USP47: variants seen among roughly 807,000 people sequenced by gnomAD.
USP47 encodes ubiquitin specific peptidase 47, also known as ubiquitin carboxyl-terminal hydrolase 47.
A neutral mutation model predicts 165.1 loss-of-function variants in USP47; 35 were observed. The ratio of observed to expected loss-of-function variants is 0.21; its 90% confidence interval spans 0.16 to 0.28. The LOEUF is 0.28. Among genes scored for constraint, USP47 ranks in the 10% least tolerant of loss-of-function variants. USP47 has a pLI of 1.00. For missense variants in USP47, 1,277 were observed against 1,607.4 expected (o/e 0.79, Z 3.52); for synonymous variants, 531 against 544.5 (o/e 0.98, Z 0.35).
intron 1 of USP47, among the ~76,000 whole-genome samples, chr11:11,853,320 G>A (rs1191295019): frequency 6.6e-6 from 1 of 152,210 alleles, no homozygotes; most frequent in African/African-American, 2.4e-5. Flanking sequence ...AGTTCAGGCA[G>A]CATGTGTAGG....
At chr11:11,881,346 C>T (rs544855258) in intron 2 of USP47, among the ~76,000 whole-genome samples, 2 of 152,106 alleles carry the variant, frequency 1.3e-5, no homozygotes, top group South Asian at 2.1e-4. Flanking sequence ...TTTACCCTGA[C>T]AGGAAATAAG....
chr11:11,854,774 A>G (rs1477498039), intron 1 of USP47, among the ~76,000 whole-genome samples: 1 of 147,594 alleles, frequency 6.8e-6, no homozygotes. Flanking sequence ...ATGATCAAGT[A>G]AGACCTATTG....
chr11:11,933,566 GT>G (rs1219899057), intron 15 of USP47, among the ~76,000 whole-genome samples: 1 of 151,972 alleles, frequency 6.6e-6, no homozygotes, highest in African/African-American at 2.4e-5. Flanking sequence ...CAACACAAAT[GT>G]ATATTGGTAG....
chr11:11,876,698 T>C (rs1247573339), intron 1 of USP47, among the ~76,000 whole-genome samples: 2 of 152,184 alleles, frequency 1.3e-5, no homozygotes, highest in East Asian at 3.9e-4. Flanking sequence ...CCTCTGAATG[T>C]GGATTTCTAG....
chr11:11,856,169 A>G (rs1849027068), intron 1 of USP47, among the ~76,000 whole-genome samples: 1 of 152,188 alleles, frequency 6.6e-6, no homozygotes. Flanking sequence ...GTGCCCAGAA[A>G]GTGTTTAGAT....
chr11:11,880,505 G>A (rs776496217), intron 2 of USP47, 125 bp downstream of exon 2: 61 of 654,362 alleles, frequency 9.3e-5, no homozygotes, highest in Non-Finnish European at 1.3e-4. Flanking sequence ...TACAGTAAGA[G>A]CCTATGTGCA....
chr11:11,871,829 A>G (rs999766459), intron 1 of USP47, among the ~76,000 whole-genome samples: 1 of 152,138 alleles, frequency 6.6e-6, no homozygotes, highest in Non-Finnish European at 1.5e-5. Flanking sequence ...CCTGCACTGC[A>G]GCCTAGAAGG....
intron 1 of USP47, among the ~76,000 whole-genome samples, chr11:11,860,252 C>T (rs998925207): frequency 3.3e-5 from 5 of 151,838 alleles, no homozygotes; most frequent in African/African-American, 1.2e-4. Flanking sequence ...CGGGTTCAAG[C>T]GATTCTCCTG....
At chr11:11,889,899 C>T (rs753352425) in intron 3 of USP47, among the ~76,000 whole-genome samples, 2 of 152,044 alleles carry the variant, frequency 1.3e-5, no homozygotes, top group African/African-American at 2.4e-5. Context: ...AGAAATAAGA[C>T]CACACATCTA....
intron 17 of USP47, among the ~76,000 whole-genome samples, chr11:11,937,592 A>G (rs1159146499): frequency 7.9e-6 from 1 of 127,342 alleles, no homozygotes. Context: ...TTTTTTTGCT[A>G]GACAAGAAAA....
intron 20 of USP47, among the ~76,000 whole-genome samples, chr11:11,946,660 C>G (rs2134830515): frequency 6.6e-6 from 1 of 152,226 alleles, no homozygotes; most frequent in African/African-American, 2.4e-5. Flanking sequence ...AATTTAGTAC[C>G]TCGTTGGATA....
At chr11:11,877,959 C>T (rs1014797458) in intron 1 of USP47, among the ~76,000 whole-genome samples, 3 of 151,268 alleles carry the variant, frequency 2.0e-5, no homozygotes, top group African/African-American at 4.9e-5. Context: ...TTCCTTTATA[C>T]TCTTAGTATT....
In USP47 at chr11:11,854,754, G is replaced by T. The variant is rs149825416; in HGVS notation, c.39+12530G>T. ...CCTAAATTATTGTTAGATTTGACAG[G>T]TTCTCTTATATGATCAAGTAAGACC... On this transcript the variant is annotated intron_variant, in intron 1 of 27. Coordinates refer to ENST00000527733, the MANE Select transcript of USP47 (RefSeq NM_001282659.2). Among the ~76,000 whole-genome samples, 209 of 147,492 alleles carry T rather than the reference G, an allele frequency of 1.4e-3. 7 individuals carry two copies. The highest frequency in any genetic ancestry group is 4.4e-3 in the African/African-American group (183 of 41,292).
intron 1 of USP47, 27 bp from the exon 2 acceptor site, chr11:11,880,150 A>G (rs1429174658): frequency 1.2e-5 from 17 of 1,416,162 alleles, no homozygotes; most frequent in African/African-American, 4.5e-5. Flanking sequence ...GATAATATAT[A>G]AAGTCATATT....
intron 1 of USP47, among the ~76,000 whole-genome samples, chr11:11,871,491 A>C (rs1850044925): frequency 1.8e-5 from 2 of 113,904 alleles, no homozygotes; most frequent in Non-Finnish European, 3.4e-5. Context: ...AACAGAGCGA[A>C]ACTCCCTCTC....
chr11:11,937,144 C>T (rs1313037298), intron 17 of USP47, among the ~76,000 whole-genome samples: 3 of 151,794 alleles, frequency 2.0e-5, no homozygotes, highest in Non-Finnish European at 4.4e-5. Context: ...TTCCCAGAGA[C>T]AGTTTCCCTA....
chr11:11,955,303 G>T (rs1036913961), intron 27 of USP47, 139 bp downstream of exon 27: 24 of 1,078,018 alleles, frequency 2.2e-5, no homozygotes, highest in Admixed American at 3.1e-5. Flanking sequence ...AGCCAAACAT[G>T]ATTATAATTT....
chr11:11,945,026 C>G (rs1276866195), intron 20 of USP47, among the ~76,000 whole-genome samples: 1 of 152,086 alleles, frequency 6.6e-6, no homozygotes, highest in Non-Finnish European at 1.5e-5. Context: ...AAATTCATAC[C>G]AGGCTAATTT....
chr11:11,954,821 T>C, intron 25 of USP47, 76 bp from the exon 26 acceptor site: 1 of 1,510,534 alleles, frequency 6.6e-7, no homozygotes, highest in Non-Finnish European at 9.0e-7. Flanking sequence ...TTTCTGTTTG[T>C]GGGGTAAAAG....
Sources: gnomAD v4.1 joint callset for allele counts (sites outside exome capture counted in the v4.1 genomes callset) on GRCh38, gnomAD v4.1.1 for gene constraint, MANE v1.5 for transcripts, NCBI Gene and HGNC (gene_info 2026-07-23, HGNC 2026-07-21) for gene names.